Variants in ITCH observed in about 807,000 individuals in gnomAD.
The protein encoded by ITCH is E3 ubiquitin-protein ligase Itchy homolog.
ITCH carries 28 observed loss-of-function variants against 126.8 expected under a neutral mutation model. That is an observed-to-expected ratio of 0.22 (90% CI 0.16 to 0.30). The LOEUF is 0.30. ITCH is among the 10% of genes least tolerant of loss of function. The pLI is 1.00. For missense variants in ITCH, 631 were observed against 1,032.4 expected (o/e 0.61, Z 5.33); for synonymous variants, 342 against 340.0 (o/e 1.01, Z -0.06).
At chr20:34,507,543 A>G in intron 24 of ITCH, 152 bp from the exon 25 acceptor site, 1 of 632,378 alleles carries the variant, frequency 1.6e-6, no homozygotes, top group Non-Finnish European at 2.8e-6. Context: ...ATTTTTTCCC[A>G]TTTTTGGGTT....
intron 10 of ITCH, among the ~76,000 whole-genome samples, chr20:34,444,537 C>G (rs1366788101): frequency 6.6e-6 from 1 of 152,130 alleles, no homozygotes; most frequent in Non-Finnish European, 1.5e-5. Flanking sequence ...GAGCCAAGAT[C>G]GCGCCATTGC....
intron 3 of ITCH, among the ~76,000 whole-genome samples, chr20:34,406,940 T>A (rs1377515951): frequency 6.6e-6 from 1 of 152,026 alleles, no homozygotes; most frequent in Admixed American, 6.5e-5. Context: ...CTACAGTAGA[T>A]AACCTGGGTG....
intron 3 of ITCH, among the ~76,000 whole-genome samples, chr20:34,399,901 G>T (rs899899421): frequency 6.6e-6 from 1 of 151,794 alleles, no homozygotes; most frequent in African/African-American, 2.4e-5. Context: ...GACTACAGGC[G>T]TGTACCACCC....
intron 9 of ITCH, chr20:34,441,904 C>G: frequency 5.6e-6 from 2 of 356,086 alleles, no homozygotes; most frequent in South Asian, 5.0e-5. Context: ...CCACTCAAAT[C>G]CTGATTATAC....
chr20:34,487,826 C>CT (rs1395717026), intron 20 of ITCH, among the ~76,000 whole-genome samples: 3 of 152,180 alleles, frequency 2.0e-5, no homozygotes, highest in African/African-American at 4.8e-5. Flanking sequence ...GTAATCCCAG[C>CT]TACTTGGGAG....
At chr20:34,495,288 AAAT>A (rs1989791510) in intron 23 of ITCH, among the ~76,000 whole-genome samples, 5 of 74,558 alleles carry the variant, frequency 6.7e-5, no homozygotes, top group East Asian at 3.4e-4. Context: ...ATAAATAAAT[AAAT>A]AAAATATATA....
intron 23 of ITCH, among the ~76,000 whole-genome samples, chr20:34,495,326 C>G (rs1989806255): frequency 6.7e-6 from 1 of 148,402 alleles, no homozygotes. Context: ...TACACACGCA[C>G]ACACACACAC....
intron 7 of ITCH, 75 bp from the exon 8 acceptor site, chr20:34,438,399 G>C (rs2146278958): frequency 2.7e-6 from 4 of 1,493,182 alleles, no homozygotes; most frequent in South Asian, 2.3e-5. Flanking sequence ...TCATCCTCCT[G>C]CTGTTTTTTT....
At chr20:34,501,332 T>A (rs1489271136) in intron 23 of ITCH, among the ~76,000 whole-genome samples, 1 of 152,176 alleles carries the variant, frequency 6.6e-6, no homozygotes, top group East Asian at 1.9e-4. Flanking sequence ...AGGGATTAAA[T>A]TTTTTAGGTA....
intron 20 of ITCH, among the ~76,000 whole-genome samples, chr20:34,488,514 C>T (rs567939050): frequency 2.3e-4 from 35 of 152,202 alleles, no homozygotes; most frequent in South Asian, 6.2e-4. Context: ...GAGTTCAAGA[C>T]CAGCCTGGCC....
chr20:34,445,700 A>G (rs1000249900), intron 11 of ITCH, among the ~76,000 whole-genome samples: 3 of 152,190 alleles, frequency 2.0e-5, no homozygotes, highest in Non-Finnish European at 4.4e-5. Flanking sequence ...TAAGCAAAAA[A>G]TAAGTTAGGA....
intron 2 of ITCH, among the ~76,000 whole-genome samples, chr20:34,390,563 C>G (rs1168519866): frequency 1.3e-5 from 2 of 149,846 alleles, no homozygotes; most frequent in African/African-American, 2.5e-5. Context: ...GATCCTCCCG[C>G]CTCAGCCTCC....
intron 6 of ITCH, chr20:34,417,237 C>T (rs1175293033): frequency 7.0e-5 from 43 of 617,268 alleles, no homozygotes; most frequent in Admixed American, 1.3e-4. Flanking sequence ...GCTGGGTTTA[C>T]AGGTATGCAC....
At chr20:34,503,904 T>C in intron 23 of ITCH, among the ~76,000 whole-genome samples, 1 of 134,350 alleles carries the variant, frequency 7.4e-6, no homozygotes, top group African/African-American at 2.8e-5. Context: ...TTTTTTGAGA[T>C]AGGGTCTCGT....
intron 17 of ITCH, among the ~76,000 whole-genome samples, 192 bp from the exon 18 acceptor site, chr20:34,479,438 C>A (rs1474822376): frequency 6.6e-6 from 1 of 152,190 alleles, no homozygotes; most frequent in Non-Finnish European, 1.5e-5. Flanking sequence ...ATATTACCAT[C>A]TACCAAAGAT....
intron 3 of ITCH, among the ~76,000 whole-genome samples, chr20:34,403,463 C>T (rs2038953639): frequency 6.6e-6 from 1 of 152,066 alleles, no homozygotes; most frequent in Admixed American, 6.6e-5. Flanking sequence ...TATAATAAAG[C>T]AGAGAGACAG....
At position 34,366,086 on chromosome 20, in the gene ITCH, G is replaced by A. The variant is rs537105521; in HGVS notation, c.-99+2737G>A. Among the ~76,000 whole-genome samples the A allele has an allele frequency of 2.6e-5, 4 of 152,272 alleles. No individual in the cohort carries two copies. In the East Asian group the frequency reaches 7.7e-4, roughly 29 times the overall value. On this transcript the variant is annotated intron_variant, in intron 1 of 24. Coordinates refer to ENST00000374864, the MANE Select transcript of ITCH (RefSeq NM_031483.7). Reference sequence around the variant, plus strand: ...AGAGTAGGAGTGTGAAAAGGGCGGGGAAAGAGAAGGACAGGGTAGGCTGAG... The same window carrying A: ...AGAGTAGGAGTGTGAAAAGGGCGGGAAAAGAGAAGGACAGGGTAGGCTGAG...
rs575582334 is a variant in ITCH at position 34,511,183 on chromosome 20, A to T, written c.*3389A>T. On this transcript the variant is annotated 3_prime_UTR_variant, in exon 25 of 25. Transcript: ENST00000374864. Reference sequence around the variant, plus strand: ...TACTTTGTTTGTATAATTTGCTTTCATTAACTAAAAATGGAATTGGCAGCA... The same window carrying T: ...TACTTTGTTTGTATAATTTGCTTTCTTTAACTAAAAATGGAATTGGCAGCA... 6.6e-6 allele frequency: 1 copy of T among 151,928 alleles called. No individual in the cohort carries two copies. Among genetic ancestry groups the T allele is most frequent in the South Asian group, 2.1e-4 (1 of 4,808 alleles). The allele number at this position is 151,928 out of a possible 1,614,324, so 9.4% of individuals were successfully genotyped here. A position where few individuals can be genotyped will look rare whatever the true frequency, so the allele number is the denominator to read the frequency against.
intron 2 of ITCH, among the ~76,000 whole-genome samples, chr20:34,369,732 G>T (rs2037547907): frequency 6.6e-6 from 1 of 152,078 alleles, no homozygotes; most frequent in African/African-American, 2.4e-5. Context: ...TTTTCTATTT[G>T]TGTTGTTTTA....
Sources: allele counts gnomAD v4.1 joint callset (sites outside exome capture counted in the v4.1 genomes callset), GRCh38; gene constraint gnomAD v4.1.1; transcripts MANE v1.5; gene names NCBI Gene and HGNC (gene_info 2026-07-23, HGNC 2026-07-21).